The following LZTFL1 variants were observed in gnomAD, a reference collection of about 807,000 sequenced individuals.
LZTFL1 encodes leucine zipper transcription factor-like protein 1.
A neutral mutation model predicts 45.9 loss-of-function variants in LZTFL1; 25 were observed. The ratio of observed to expected loss-of-function variants is 0.54; its 90% CI spans 0.40 to 0.76. The LOEUF (loss-of-function observed/expected upper bound fraction) is 0.76. Among genes scored for constraint, LZTFL1 ranks in the 30% least tolerant of loss-of-function variants. LZTFL1 has a pLI of 0.00. For synonymous variants in LZTFL1, 93 were observed against 117.4 expected (o/e 0.79, Z 1.35); for missense variants, 277 against 331.1 (o/e 0.84, Z 1.27).
intron 4 of LZTFL1, chr3:45,854,645 T>C (rs1701360869): frequency 5.9e-6 from 1 of 169,996 alleles, no homozygotes; most frequent in Non-Finnish European, 1.3e-5. Flanking sequence ...CGCTTACAGG[T>C]ATTCTCCAAG....
intron 2 of LZTFL1, among the ~76,000 whole-genome samples, chr3:45,861,269 G>T (rs921934358): frequency 1.3e-5 from 2 of 150,446 alleles, no homozygotes; most frequent in Non-Finnish European, 3.0e-5. Context: ...GAGGGCAAAA[G>T]TTCAAGAAAG....
rs72197666 is a variant in LZTFL1, at chr3:45,890,304, CATAT to C, written c.-215+22812_-215+22815del. Among the ~76,000 whole-genome samples, 11 of 12,098 alleles carry C rather than the reference CATAT, an allele frequency of 9.1e-4. 4 individuals carry two copies. Among genetic ancestry groups the C allele is most frequent in the African/African-American group, 5.8e-3 (11 of 1,912 alleles). 7.9% of individuals were successfully genotyped at this position (12,098 alleles called of 152,430 possible). ...TATATTTATATAAATATATATATAA[CATAT>C]ATATATATTTATATAAATATATATA... On this transcript the variant is annotated intron_variant, in intron 2 of 4. Transcript: ENST00000472635.
intron 2 of LZTFL1, among the ~76,000 whole-genome samples, chr3:45,876,762 T>C (rs1261550307): frequency 6.6e-6 from 1 of 152,204 alleles, no homozygotes; most frequent in African/African-American, 2.4e-5. Flanking sequence ...TTAGTTCACC[T>C]GTGTCCATTC....
At position 45,901,117 on chromosome 3, in the gene LZTFL1, A is replaced by G; in HGVS notation, c.-215+12003T>C. 1.2e-6 allele frequency: 2 copies of G among 1,614,074 alleles called. No homozygotes were observed. Among genetic ancestry groups the G allele is most frequent in the Non-Finnish European group, 1.7e-6 (2 of 1,180,012 alleles). ...CCCTTCTGGGCCATTGCTGCTGCTG[A>G]CCAGTGGAAGTTCCAGACCTTCATG... On this transcript the variant is annotated intron_variant, in intron 2 of 4. Transcript: ENST00000472635. The surrounding 1 kb of genome is among the most constrained non-coding windows in gnomAD (Gnocchi z 4.3).
chr3:45,846,221 G>A (rs1461084635), upstream of LZTFL1, among the ~76,000 whole-genome samples: 1 of 152,170 alleles, frequency 6.6e-6, no homozygotes, highest in Non-Finnish European at 1.5e-5. Context: ...CATGTTAAAT[G>A]TAACTTTGAG....
chr3:45,915,290 T>C, intron 1 of LZTFL1: 1 of 294,462 alleles, frequency 3.4e-6, no homozygotes, highest in Non-Finnish European at 6.9e-6. Flanking sequence ...CCCTTTCTGT[T>C]ACCCCTCTTT....
Position 45,830,896 on chromosome 3 carries a change from G to A in LZTFL1, c.600+17C>T. 1.2e-6 allele frequency: 2 copies of A among 1,607,390 alleles called. No individual in the cohort carries two copies. Among genetic ancestry groups the A allele is most frequent in the South Asian group, 1.1e-5 (1 of 90,762 alleles). On this transcript the variant is annotated intron_variant, in intron 7 of 9. Coordinates refer to ENST00000296135, the MANE Select transcript of LZTFL1 (RefSeq NM_020347.4). Reference sequence around the variant, plus strand: ...CTACTTAGAAAATGTGAGAAAGGTAGCTAAAACTTGTTTCACCTTTTGATT... The same window carrying A: ...CTACTTAGAAAATGTGAGAAAGGTAACTAAAACTTGTTTCACCTTTTGATT...
At chr3:45,887,242 C>CGTGTGT (rs1285056620) in intron 2 of LZTFL1, among the ~76,000 whole-genome samples, 13 of 125,450 alleles carry the variant, frequency 1.0e-4, no homozygotes, top group African/African-American at 4.1e-4. Flanking sequence ...CTATTAAGTG[C>CGTGTGT]GTGTGTGTCT....
At chr3:45,862,070 G>A (rs370229585) in intron 2 of LZTFL1, among the ~76,000 whole-genome samples, 38 of 152,236 alleles carry the variant, frequency 2.5e-4, no homozygotes, top group East Asian at 1.3e-3. Flanking sequence ...AATCAAGCTC[G>A]TTTATCAAAT....
Position 45,853,125 on chromosome 3 carries a change from G to A in LZTFL1, c.-49+1861C>T, listed in dbSNP as rs570613864. Among the ~76,000 whole-genome samples, 3 of 152,324 alleles carry A rather than the reference G, an allele frequency of 2.0e-5. No individual in the cohort carries two copies. The South Asian group carries it at 6.2e-4, about 32-fold the overall frequency. On this transcript the variant is annotated intron_variant, in intron 4 of 4. Transcript: ENST00000472635. ...AGATGGAAGGGCTTTACCTGTGGTC[G>A]ATTAATTGTTTCATAACCCTTTTCA...
chr3:45,860,847 T>C (rs1294816257), intron 2 of LZTFL1, among the ~76,000 whole-genome samples: 1 of 152,190 alleles, frequency 6.6e-6, no homozygotes, highest in Non-Finnish European at 1.5e-5. Context: ...CATTTTCATC[T>C]TTTCCCATCT....
At chr3:45,857,011 C>T (rs757143792) in intron 3 of LZTFL1, among the ~76,000 whole-genome samples, 16 of 152,314 alleles carry the variant, frequency 1.1e-4, no homozygotes, top group Admixed American at 3.3e-4. Context: ...CCAGCAATCC[C>T]ACTACTGGGT....
chr3:45,889,877 T>C (rs2125739808), intron 2 of LZTFL1, among the ~76,000 whole-genome samples: 1 of 152,066 alleles, frequency 6.6e-6, no homozygotes, highest in African/African-American at 2.4e-5. Context: ...ATTTTTGTTC[T>C]GCTCCAACAT....
chr3:45,890,324 AATATATATATAACATATATATATAACAT>A (rs1559421557), intron 2 of LZTFL1, among the ~76,000 whole-genome samples: 1 of 83,094 alleles, frequency 1.2e-5, no homozygotes, highest in Non-Finnish European at 2.1e-5. Flanking sequence ...TATTTATATA[AATATATATATAACATATATATATAACAT>A]ATATATATAT....
At chr3:45,862,483 A>G (rs1276755558) in intron 2 of LZTFL1, among the ~76,000 whole-genome samples, 3 of 152,220 alleles carry the variant, frequency 2.0e-5, no homozygotes, top group African/African-American at 7.2e-5. Flanking sequence ...GGGATTCCCC[A>G]CATTATCCTC....
Position 45,900,640 on chromosome 3 carries a change from A to T in LZTFL1, c.-215+12480T>A, listed in dbSNP as rs1303480025. Reference sequence around the variant, plus strand: ...GTATGTGCTTAATAAACATCTGTTGAATAAATAAATATGTCACAACCCAAG... The same window carrying T: ...GTATGTGCTTAATAAACATCTGTTGTATAAATAAATATGTCACAACCCAAG... On this transcript the variant is annotated intron_variant, in intron 2 of 4. Coordinates refer to the LZTFL1 transcript ENST00000472635. The surrounding 1 kb of genome is among the most constrained non-coding windows in gnomAD (Gnocchi z 4.7). 6.6e-6 allele frequency among the ~76,000 whole-genome samples: 1 copy of T among 152,200 alleles called. No homozygotes were observed. The highest frequency in any genetic ancestry group is 2.4e-5 in the African/African-American group (1 of 41,446).
intron 4 of LZTFL1, among the ~76,000 whole-genome samples, chr3:45,848,267 C>T (rs1701249663): frequency 6.6e-6 from 1 of 152,172 alleles, no homozygotes; most frequent in South Asian, 2.1e-4. Flanking sequence ...TCATGAATTT[C>T]CTTTTCTTCT....
chr3:45,874,267 C>T (rs961375345), intron 2 of LZTFL1, among the ~76,000 whole-genome samples: 6 of 152,160 alleles, frequency 3.9e-5, no homozygotes, highest in African/African-American at 9.7e-5. Context: ...AAAAAATCTG[C>T]GTGCTTCCAG....
chr3:45,874,604 A>G (rs1312019005), intron 2 of LZTFL1, among the ~76,000 whole-genome samples: 1 of 152,032 alleles, frequency 6.6e-6, no homozygotes, highest in Non-Finnish European at 1.5e-5. Context: ...CTATCACATT[A>G]CCCTGTAGGT....
Sources: allele counts gnomAD v4.1 joint callset (sites outside exome capture counted in the v4.1 genomes callset), GRCh38; gene constraint gnomAD v4.1.1; non-coding constraint Gnocchi (gnomAD v3.1); transcripts MANE v1.5; gene names NCBI Gene and HGNC (gene_info 2026-07-23, HGNC 2026-07-21).